SMIM13: variants seen among roughly 807,000 people sequenced by gnomAD.
The protein encoded by SMIM13 is small integral membrane protein 13.
SMIM13 carries 3 observed loss-of-function variants against 5.9 expected under a neutral mutation model. The ratio of observed to expected loss-of-function variants is 0.51; its 90% confidence interval spans 0.23 to 1.31. The LOEUF (loss-of-function observed/expected upper bound fraction) is 1.31, where lower values mean the gene tolerates loss of function less well. Among genes scored for constraint, SMIM13 ranks in the 40% most tolerant of loss-of-function variants. The pLI, the probability that SMIM13 is intolerant of heterozygous loss-of-function variation, is 0.18. For synonymous variants in SMIM13, 55 were observed against 46.0 expected (o/e 1.19, Z -0.79); for missense variants, 85 against 109.9 (o/e 0.77, Z 1.01).
At chr6:11,119,260 C>G (rs889797513) in intron 1 of SMIM13, among the ~76,000 whole-genome samples, 1 of 152,212 alleles carries the variant, frequency 6.6e-6, no homozygotes, top group East Asian at 1.9e-4. Flanking sequence ...TCCTCTCTCT[C>G]TTTCTCTCTC....
In SMIM13 at chr6:11,134,599, A is replaced by G. The variant is rs963725305; in HGVS notation, c.273A>G (p.Thr91=). ...APADEGHRPL[T] Reference sequence around the variant, plus strand: ...CTGATGAAGGCCACAGACCCCTGACATAGTCCTGTACTTGTGAAGGATGAA... The same window carrying G: ...CTGATGAAGGCCACAGACCCCTGACGTAGTCCTGTACTTGTGAAGGATGAA... Residue 91 remains threonine (T), a synonymous_variant, in exon 2 of 2, where the codon ACA becomes ACG. Transcript: ENST00000416247. 1.5e-5 allele frequency: 23 copies of G among 1,541,676 alleles called. No individual in the cohort carries two copies. In the Admixed American group the frequency reaches 2.0e-4, roughly 14 times the overall value.
Position 11,094,155 on chromosome 6 carries a change from C to A in SMIM13, c.-159C>A, listed in dbSNP as rs1343038019. On this transcript the variant is annotated 5_prime_UTR_variant, in exon 1 of 2. Transcript: ENST00000416247. ...CACAGTGCCCGCCTTTGCGCCGCCC[C>A]ACCCCCTGGGGGCGCTGCCGAGGGG... 7 of 162,306 alleles carry A rather than the reference C, an allele frequency of 4.3e-5. No homozygotes were observed. Among genetic ancestry groups the A allele is most frequent in the Non-Finnish European group, 7.7e-5 (6 of 77,582 alleles). 10.1% of individuals were successfully genotyped at this position (162,306 alleles called of 1,614,324 possible).
chr6:11,105,153 G>A, intron 1 of SMIM13: 1 of 1,614,202 alleles, frequency 6.2e-7, no homozygotes, highest in South Asian at 1.1e-5. Context: ...TGTCCCTGGT[G>A]TTTCAGTGGA....
At chr6:11,104,307 A>G (rs1351142850) in intron 1 of SMIM13, 7 of 1,551,696 alleles carry the variant, frequency 4.5e-6, no homozygotes, top group Non-Finnish European at 5.2e-6. Context: ...TGGTATTGGA[A>G]GAGAGAGATT....
At chr6:11,120,260 C>T (rs951831487) in intron 1 of SMIM13, among the ~76,000 whole-genome samples, 15 of 152,124 alleles carry the variant, frequency 9.9e-5, no homozygotes, top group Non-Finnish European at 4.4e-5. Flanking sequence ...TCGGTTTGGG[C>T]TGCTGTAACA....
rs143425031 is a variant in SMIM13, at chr6:11,110,057, A to T, written c.76+15668A>T. ...CCTAACCTTGGTCCCATCTTGTTTT[A>T]TTGAGGCACAATTACCCGTTTGTAA... On this transcript the variant is annotated intron_variant, in intron 1 of 1. Transcript: ENST00000416247. Among the ~76,000 whole-genome samples, 924 of 152,198 alleles carry T rather than the reference A, an allele frequency of 6.1e-3. 7 individuals carry two copies. Among genetic ancestry groups the T allele is most frequent in the Middle Eastern group, 0.02 (6 of 294 alleles).
At chr6:11,105,389 G>T in intron 1 of SMIM13, 1 of 1,089,466 alleles carries the variant, frequency 9.2e-7, no homozygotes, top group Non-Finnish European at 1.3e-6. Context: ...TTAAAATAGT[G>T]ATAACAATCA....
intron 1 of SMIM13, among the ~76,000 whole-genome samples, chr6:11,115,781 T>A (rs2113655603): frequency 6.6e-6 from 1 of 150,850 alleles, no homozygotes; most frequent in South Asian, 2.1e-4. Context: ...GCCTCCTGGG[T>A]TCAAGCAATT....
chr6:11,123,265 G>C (rs1220147467), intron 1 of SMIM13, among the ~76,000 whole-genome samples: 1 of 152,170 alleles, frequency 6.6e-6, no homozygotes, highest in African/African-American at 2.4e-5. Flanking sequence ...AACAGATAAT[G>C]CTGAGCAAAT....
chr6:11,124,916 A>T (rs1758358115), intron 1 of SMIM13, among the ~76,000 whole-genome samples: 1 of 152,136 alleles, frequency 6.6e-6, no homozygotes, highest in South Asian at 2.1e-4. Flanking sequence ...TTTCTCCTTC[A>T]TGTTTGAAGG....
At chr6:11,104,910 C>G in intron 1 of SMIM13, 2 of 1,614,114 alleles carry the variant, frequency 1.2e-6, no homozygotes, top group East Asian at 4.5e-5. Flanking sequence ...TACATTTGTT[C>G]CATTTTTCCT....
intron 1 of SMIM13, among the ~76,000 whole-genome samples, chr6:11,126,099 G>C (rs1283710062): frequency 2.6e-5 from 4 of 152,000 alleles, no homozygotes; most frequent in African/African-American, 9.7e-5. Flanking sequence ...GCCCAGGCTG[G>C]AGTGCAGTGG....
Position 11,134,691 on chromosome 6 carries a change from T to C in SMIM13, c.*89T>C. The C allele has an allele frequency of 9.8e-7, 1 of 1,020,352 alleles. No individual in the cohort carries two copies. The allele number at this position is 1,020,352 out of a possible 1,614,324, so 63.2% of individuals were successfully genotyped here. On this transcript the variant is annotated 3_prime_UTR_variant, in exon 2 of 2. Transcript: ENST00000416247. ...AAATTTACTAATGACTGAAGAACAT[T>C]TGTATTGGATTTTAAGTCGAATTTT...
At position 11,119,784 on chromosome 6, in the gene SMIM13, G is replaced by C. The variant is rs568569016; in HGVS notation, c.77-14619G>C. 3.9e-5 allele frequency among the ~76,000 whole-genome samples: 6 copies of C among 152,328 alleles called. No individual in the cohort carries two copies. The South Asian group carries it at 1.0e-3, about 26-fold the overall frequency. On this transcript the variant is annotated intron_variant, in intron 1 of 1. Coordinates refer to ENST00000416247, the MANE Select transcript of SMIM13 (RefSeq NM_001135575.2). ...GAGAAGAGATTTTAAAAGGTAACTT[G>C]AAATGTCTTATGATTATTGGATAGA...
At position 11,105,061 on chromosome 6, in the gene SMIM13, C is replaced by G. The variant is rs547443793; in HGVS notation, c.76+10672C>G. On this transcript the variant is annotated intron_variant, in intron 1 of 1. Coordinates refer to ENST00000416247, the MANE Select transcript of SMIM13 (RefSeq NM_001135575.2). ...AGACTATTTGCAGGCCTCATCAGTC[C>G]TTTCAGATTAGGGTCCCATCGATAG... is the stretch of plus-strand genomic sequence containing the variant. 5.0e-5 allele frequency: 80 copies of G among 1,614,194 alleles called. No homozygotes were observed. The South Asian group carries it at 8.3e-4, about 17-fold the overall frequency.
chr6:11,096,484 T>C (rs9368572), intron 1 of SMIM13, among the ~76,000 whole-genome samples: 26,812 of 152,176 alleles, frequency 0.18, 2,634 homozygotes, highest in East Asian at 0.4. Context: ...AAGTGATCAA[T>C]ACTTTTTTTG....
intron 1 of SMIM13, chr6:11,104,791 T>TG: frequency 6.2e-7 from 1 of 1,614,210 alleles, no homozygotes; most frequent in Non-Finnish European, 8.5e-7. Flanking sequence ...TTTGGAGGTT[T>TG]GGGGAATCTT....
At chr6:11,096,943 G>C (rs979072203) in intron 1 of SMIM13, among the ~76,000 whole-genome samples, 1 of 152,130 alleles carries the variant, frequency 6.6e-6, no homozygotes, top group African/African-American at 2.4e-5. Context: ...CACCCGCCTC[G>C]GCTTCCCAAA....
At chr6:11,112,593 A>C (rs988639430) in intron 1 of SMIM13, among the ~76,000 whole-genome samples, 10 of 152,162 alleles carry the variant, frequency 6.6e-5, no homozygotes, top group African/African-American at 2.2e-4. Flanking sequence ...TTTCTAATGT[A>C]AATCAAATCA....
Sources: gnomAD v4.1 joint callset for allele counts (sites outside exome capture counted in the v4.1 genomes callset) on GRCh38, gnomAD v4.1.1 for gene constraint, MANE v1.5 for transcripts, NCBI Gene and HGNC (gene_info 2026-07-23, HGNC 2026-07-21) for gene names.